The following NNAT variants were observed in gnomAD, a reference collection of about 807,000 sequenced individuals.
NNAT encodes the protein neuronatin.
NNAT carries 8 observed loss-of-function variants against 12.7 expected under a neutral mutation model. That is an observed-to-expected ratio of 0.63 (90% CI 0.37 to 1.14). NNAT has a LOEUF of 1.14. Among genes scored for constraint, NNAT ranks in the 50% most tolerant of loss-of-function variants. The pLI is 0.01. For synonymous variants in NNAT, 52 were observed against 48.5 expected, an observed-to-expected ratio of 1.07 and a Z score of -0.30; for missense variants, 94 against 108.3, an observed-to-expected ratio of 0.87 and a Z score of 0.59.
Position 37,521,471 on chromosome 20 carries a change from G to A in NNAT, c.72+68G>A, listed in dbSNP as rs8114231. ...GCGCCCCTAGAACCCGCAAGACTGC[G>A]TCGCGATTGCCGCTTCCCGGACCCG... On this transcript the variant is annotated intron_variant, in intron 1 of 2. Transcript: ENST00000649451. This position sits in a 1 kb window ranked among gnomAD's most constrained non-coding sequence, Gnocchi z 4.5. 6.1e-3 allele frequency: 9,031 copies of A among 1,480,688 alleles called. 487 individuals carry two copies. In the African/African-American group the frequency reaches 0.11, roughly 18 times the overall value. 91.7% of individuals were successfully genotyped at this position (1,480,688 alleles called of 1,614,324 possible).
In NNAT at chr20:37,521,536, C is replaced by G. The variant is rs921113925; in HGVS notation, c.72+133C>G. 2 of 920,582 alleles carry G rather than the reference C, an allele frequency of 2.2e-6. No homozygotes were observed. The highest frequency in any genetic ancestry group is 3.4e-6 in the Non-Finnish European group (2 of 585,646). 57.0% of individuals were successfully genotyped at this position (920,582 alleles called of 1,614,324 possible). The stretch of plus-strand genomic sequence containing the variant: ...CCGCGATCCTTGCCTGCCCAAGTGC[C>G]GCTGCCGGCACCGCGCGCCCCCTGC... On this transcript the variant is annotated intron_variant, in intron 1 of 2. Transcript: ENST00000649451. The surrounding 1 kb of genome is among the most constrained non-coding windows in gnomAD (Gnocchi z 4.5).
In NNAT at chr20:37,521,355, G is replaced by A. The variant is rs756533842; in HGVS notation, c.24G>A (p.Ser8=). 1.2e-6 allele frequency: 2 copies of A among 1,613,948 alleles called. No homozygotes were observed. The highest frequency in any genetic ancestry group is 1.3e-5 in the African/African-American group (1 of 74,918). The change falls in exon 1 of 3, where the codon TCG becomes TCA. Residue 8 remains serine (S), a synonymous_variant. Coordinates refer to ENST00000649451, the MANE Select transcript of NNAT (RefSeq NM_005386.4). The surrounding 1 kb of genome is among the most constrained non-coding windows in gnomAD (Gnocchi z 4.5). MAAVAAA[S]AELLIIGWYI... is the part of the protein sequence containing the mutation. ...CCATGGCGGCAGTGGCGGCGGCCTC[G>A]GCTGAACTGCTCATCATCGGCTGGT... is the stretch of plus-strand genomic sequence containing the variant.
In NNAT at chr20:37,522,228, T is replaced by G. The variant is rs568464101; in HGVS notation, c.73-130T>G. On this transcript the variant is annotated intron_variant, in intron 1 of 2. Coordinates refer to ENST00000649451, the MANE Select transcript of NNAT (RefSeq NM_005386.4). ...AAAATAAAAAAGAGGCAAAAGCGCT[T>G]GGTGTAAAAAGAGATAAATCAGAAG... 7 of 438,818 alleles carry G rather than the reference T, an allele frequency of 1.6e-5. 1 individual carries two copies. The highest frequency in any genetic ancestry group is 1.2e-4 in the African/African-American group (6 of 48,588). The allele number at this position is 438,818 out of a possible 1,614,324, so 27.2% of individuals were successfully genotyped here.
chr20:37,522,526 A>C, intron 2 of NNAT, 88 bp downstream of exon 2: 1 of 1,381,586 alleles, frequency 7.2e-7, no homozygotes, highest in Non-Finnish European at 9.9e-7. Flanking sequence ...ACTCGTGGAC[A>C]AGCTGCGCCC....
At chr20:37,522,589 C>CTGGGGGGGGGGG (rs2147191110) in intron 2 of NNAT, 78 bp from the exon 3 acceptor site, 1 of 662,398 alleles carries the variant, frequency 1.5e-6, no homozygotes, top group Non-Finnish European at 2.1e-6. Context: ...GGGGGTGGGG[C>CTGGGGGGGGGGG]GGGGGTGGGC....
chr20:37,522,519 C>T, intron 2 of NNAT, 81 bp downstream of exon 2: 2 of 1,381,296 alleles, frequency 1.4e-6, no homozygotes, highest in Non-Finnish European at 2.0e-6. Flanking sequence ...TGCCCTGACT[C>T]GTGGACAAGC....
Position 37,521,646 on chromosome 20 carries a change from C to A in NNAT, c.72+243C>A, listed in dbSNP as rs1439058580. The A allele has an allele frequency of 1.9e-6, 1 of 519,000 alleles. No homozygotes were observed. The highest frequency in any genetic ancestry group is 3.5e-6 in the Non-Finnish European group (1 of 288,618). 32.1% of individuals were successfully genotyped at this position (519,000 alleles called of 1,614,324 possible). ...GAACAAAGACTCGGGGCGCGGCGGGCGACCGCTGCGGACGATCACCCAGGC... is the reference window on the plus strand; with the variant it reads ...GAACAAAGACTCGGGGCGCGGCGGGAGACCGCTGCGGACGATCACCCAGGC... On this transcript the variant is annotated intron_variant, in intron 1 of 2. Transcript: ENST00000649451. The surrounding 1 kb of genome is among the most constrained non-coding windows in gnomAD (Gnocchi z 4.5).
chr20:37,523,639 CT>C lies in NNAT; in HGVS notation c.*881del, dbSNP rs1328034044. On this transcript the variant is annotated 3_prime_UTR_variant, in exon 3 of 3. Transcript: ENST00000649451. ...ACAAAAAATAAAAAAAGTACCTCCC[CT>C]GTCTCGCACAGTGTCCCAGGACCCT... 1 of 152,708 alleles carries C rather than the reference CT, an allele frequency of 6.5e-6. No homozygotes were observed. 9.5% of individuals were successfully genotyped at this position (152,708 alleles called of 1,614,324 possible). A position where few individuals can be genotyped will look rare whatever the true frequency, so the allele number is the denominator to read the frequency against.
intron 2 of NNAT, 33 bp from the exon 3 acceptor site, chr20:37,522,634 C>A: frequency 6.3e-7 from 1 of 1,586,062 alleles, no homozygotes; most frequent in Non-Finnish European, 8.6e-7. Flanking sequence ...GGGTGCTCTC[C>A]ACTAAGGGTG....
rs2071638075 is a variant in NNAT at position 37,522,912 on chromosome 20, C to T, written c.*153C>T. ...AGGTCAGTGAGGGGCCAGTAGACCC[C>T]CGGAGAAGCAGTACCGACAATGACG... On this transcript the variant is annotated 3_prime_UTR_variant, in exon 3 of 3. Transcript: ENST00000649451. 1.9e-5 allele frequency: 12 copies of T among 617,974 alleles called. No individual in the cohort carries two copies. In the South Asian group the frequency reaches 2.5e-4, roughly 13 times the overall value. 38.3% of individuals were successfully genotyped at this position (617,974 alleles called of 1,614,324 possible). A position where few individuals can be genotyped will look rare whatever the true frequency, so the allele number is the denominator to read the frequency against.
chr20:37,521,905 C>CA lies in NNAT; in HGVS notation c.73-441dup, dbSNP rs113961648. ...CTCAGAAAAAATAAAAATTACTTCG[C>CA]AAAAAAAAAAAACCCTACAACGAAT... On this transcript the variant is annotated intron_variant, in intron 1 of 2. Coordinates refer to ENST00000649451, the MANE Select transcript of NNAT (RefSeq NM_005386.4). The surrounding 1 kb of genome is among the most constrained non-coding windows in gnomAD (Gnocchi z 4.5). 0.039 allele frequency among the ~76,000 whole-genome samples: 4,306 copies of CA among 110,092 alleles called. 145 individuals carry two copies. The highest frequency in any genetic ancestry group is 0.12 in the East Asian group (518 of 4,158). The allele number at this position is 110,092 out of a possible 152,430, so 72.2% of individuals were successfully genotyped here.
Position 37,521,280 on chromosome 20 carries a change from C to A in NNAT, c.-52C>A. The A allele has an allele frequency of 6.3e-7, 1 of 1,583,940 alleles. No homozygotes were observed. On this transcript the variant is annotated 5_prime_UTR_variant, in exon 1 of 3. Transcript: ENST00000649451. This position sits in a 1 kb window ranked among gnomAD's most constrained non-coding sequence, Gnocchi z 4.5. Reference sequence around the variant, plus strand: ...GCCCAACAGCGGACTCCGAGACCAGCGGATCTCGGCAAACCCTCTTTCTCG... The same window carrying A: ...GCCCAACAGCGGACTCCGAGACCAGAGGATCTCGGCAAACCCTCTTTCTCG...
In NNAT at chr20:37,522,702, G is replaced by A. The variant is rs6095086; in HGVS notation, c.189G>A (p.Thr63=). Residue 63 remains threonine, a synonymous_variant, in exon 3 of 3, where the codon ACG becomes ACA. Coordinates refer to ENST00000649451, the MANE Select transcript of NNAT (RefSeq NM_005386.4). ...ACTCCCTGCAGAAGCTGGCATACAC[G>A]GTGTCGCGGACCGGGCGGCAGGTGT... ...FRYSLQKLAY[T]VSRTGRQVLG... is the part of the protein sequence containing the mutation. 6 of 1,612,250 alleles carry A rather than the reference G, an allele frequency of 3.7e-6. No homozygotes were observed. Among genetic ancestry groups the A allele is most frequent in the East Asian group, 2.2e-5 (1 of 44,808 alleles).
In NNAT at chr20:37,521,737, GC is replaced by G. The variant is rs2071583127; in HGVS notation, c.72+335del. 1.0e-5 allele frequency: 3 copies of G among 290,884 alleles called. No homozygotes were observed. Among genetic ancestry groups the G allele is most frequent in the Non-Finnish European group, 2.0e-5 (3 of 152,612 alleles). The allele number at this position is 290,884 out of a possible 1,614,324, so 18.0% of individuals were successfully genotyped here. A position where few individuals can be genotyped will look rare whatever the true frequency, so the allele number is the denominator to read the frequency against. On this transcript the variant is annotated intron_variant, in intron 1 of 2. Coordinates refer to ENST00000649451, the MANE Select transcript of NNAT (RefSeq NM_005386.4). The surrounding 1 kb of genome is among the most constrained non-coding windows in gnomAD (Gnocchi z 4.5). ...GACTCGACCCCAGGAGGGAGGCGGG[GC>G]ACTACTGTGTTGAAAGACTTTACAG...
At position 37,522,701 on chromosome 20, in the gene NNAT, C is replaced by T; in HGVS notation, c.188C>T (p.Thr63Met). The T allele has an allele frequency of 6.2e-7, 1 of 1,612,174 alleles. No homozygotes were observed. The highest frequency in any genetic ancestry group is 8.5e-7 in the Non-Finnish European group (1 of 1,179,478). The change falls in exon 3 of 3, where the codon ACG becomes ATG. Residue 63 changes from threonine to methionine, a missense_variant. Coordinates refer to ENST00000649451, the MANE Select transcript of NNAT (RefSeq NM_005386.4). ...FRYSLQKLAY[T>M]VSRTGRQVLG... ...TACTCCCTGCAGAAGCTGGCATACA[C>T]GGTGTCGCGGACCGGGCGGCAGGTG...
chr20:37,522,897 G>A lies in NNAT; in HGVS notation c.*138G>A, dbSNP rs932436795. ...GAGGAGCACTTGGCAAGGTCAGTGA[G>A]GGGCCAGTAGACCCCCGGAGAAGCA... On this transcript the variant is annotated 3_prime_UTR_variant, in exon 3 of 3. Coordinates refer to ENST00000649451, the MANE Select transcript of NNAT (RefSeq NM_005386.4). 2 of 679,284 alleles carry A rather than the reference G, an allele frequency of 2.9e-6. No homozygotes were observed. Among genetic ancestry groups the A allele is most frequent in the Admixed American group, 2.9e-5 (1 of 34,458 alleles). 42.1% of individuals were successfully genotyped at this position (679,284 alleles called of 1,614,324 possible).
At position 37,523,529 on chromosome 20, in the gene NNAT, C is replaced by G. The variant is rs980299706; in HGVS notation, c.*770C>G. The G allele has an allele frequency of 6.6e-6, 1 of 152,656 alleles. No individual in the cohort carries two copies. The highest frequency in any genetic ancestry group is 6.5e-5 in the Admixed American group (1 of 15,280). The allele number at this position is 152,656 out of a possible 1,614,324, so 9.5% of individuals were successfully genotyped here. ...CAGTTGTGGTCAATATTGTGGTAAT[C>G]GCTAATTGTACTGATTGTTTAAGTG... is the stretch of plus-strand genomic sequence containing the variant. On this transcript the variant is annotated 3_prime_UTR_variant, in exon 3 of 3. Transcript: ENST00000649451.
rs1334576161 is a variant in NNAT, at chr20:37,523,094, A to C, written c.*335A>C. The stretch of plus-strand genomic sequence containing the variant: ...CGGGACAGCACCATCCCAGCCCCGA[A>C]GCCAGGGCCATGCCAGCAGGCCCCA... On this transcript the variant is annotated 3_prime_UTR_variant, in exon 3 of 3. Transcript: ENST00000649451. 8 of 261,596 alleles carry C rather than the reference A, an allele frequency of 3.1e-5. No individual in the cohort carries two copies. Among genetic ancestry groups the C allele is most frequent in the African/African-American group, 8.9e-5 (4 of 45,134 alleles). The allele number at this position is 261,596 out of a possible 1,614,324, so 16.2% of individuals were successfully genotyped here. A position where few individuals can be genotyped will look rare whatever the true frequency, so the allele number is the denominator to read the frequency against.
chr20:37,521,442 A>G lies in NNAT; in HGVS notation c.72+39A>G. The G allele has an allele frequency of 6.3e-7, 1 of 1,593,276 alleles. No homozygotes were observed. Among genetic ancestry groups the G allele is most frequent in the Non-Finnish European group, 8.6e-7 (1 of 1,161,182 alleles). Reference sequence around the variant, plus strand: ...GGTTTCGGGTGGGAGAGGGTTCCCAACTCGCGCCCCTAGAACCCGCAAGAC... The same window carrying G: ...GGTTTCGGGTGGGAGAGGGTTCCCAGCTCGCGCCCCTAGAACCCGCAAGAC... On this transcript the variant is annotated intron_variant, in intron 1 of 2. Coordinates refer to ENST00000649451, the MANE Select transcript of NNAT (RefSeq NM_005386.4). The surrounding 1 kb of genome is among the most constrained non-coding windows in gnomAD (Gnocchi z 4.5).
Sources: allele counts gnomAD v4.1 joint callset (sites outside exome capture counted in the v4.1 genomes callset), GRCh38; gene constraint gnomAD v4.1.1; non-coding constraint Gnocchi (gnomAD v3.1); transcripts MANE v1.5; gene names NCBI Gene and HGNC (gene_info 2026-07-23, HGNC 2026-07-21).